KLC1: variants seen among roughly 807,000 people sequenced by gnomAD.
KLC1 encodes the protein kinesin 2 60/70kDa.
A neutral mutation model predicts 84.2 loss-of-function variants in KLC1; 30 were observed. The observed-to-expected ratio is 0.36, with a 90% CI of 0.27 to 0.48. The LOEUF (loss-of-function observed/expected upper bound fraction) is 0.48, where lower values mean the gene tolerates loss of function less well. KLC1 is among the 20% of genes least tolerant of loss of function. The pLI, the probability that KLC1 is intolerant of heterozygous loss-of-function variation, is 0.99. For synonymous variants in KLC1, 289 were observed against 293.3 expected (o/e 0.99, Z 0.15); for missense variants, 499 against 805.4 (o/e 0.62, Z 4.60).
At chr14:103,683,245 C>T (rs1027528176) in intron 13 of KLC1, 1 of 152,204 alleles carries the variant, frequency 6.6e-6, no homozygotes, top group African/African-American at 2.4e-5. Flanking sequence ...ATCGGAGTCT[C>T]GACCTGGTGG....
chr14:103,639,745 G>T lies in KLC1; in HGVS notation c.-2+10251G>T, dbSNP rs183726985. Among the ~76,000 whole-genome samples, 351 of 150,352 alleles carry T rather than the reference G, an allele frequency of 2.3e-3. 1 individual carries two copies. Among genetic ancestry groups the T allele is most frequent in the Middle Eastern group, 7.1e-3 (2 of 282 alleles). On this transcript the variant is annotated intron_variant, in intron 1 of 16. Coordinates refer to ENST00000334553, the MANE Select transcript of KLC1 (RefSeq NM_001394837.1). Reference sequence around the variant, plus strand: ...ATGAGCCACCACACCCGGCCCAGATGTGAATTCTTTATTTTTATTTTATTA... The same window carrying T: ...ATGAGCCACCACACCCGGCCCAGATTTGAATTCTTTATTTTTATTTTATTA...
intron 14 of KLC1, among the ~76,000 whole-genome samples, chr14:103,690,631 C>G (rs921131894): frequency 1.1e-4 from 2 of 18,884 alleles, no homozygotes; most frequent in East Asian, 0.012. Flanking sequence ...CGCTCATGTT[C>G]GCTGTCCCAT....
At chr14:103,660,868 A>G (rs2079222476) in intron 3 of KLC1, among the ~76,000 whole-genome samples, 1 of 152,202 alleles carries the variant, frequency 6.6e-6, no homozygotes, top group South Asian at 2.1e-4. Context: ...AAATGCAAGT[A>G]CTTTGCAGAT....
At chr14:103,698,953 G>A in intron 15 of KLC1, 1 of 1,601,008 alleles carries the variant, frequency 6.2e-7, no homozygotes, top group South Asian at 1.1e-5. Flanking sequence ...TCAGCCAGCA[G>A]TCTCACCAGG....
At chr14:103,635,563 G>C (rs1051609742) in intron 1 of KLC1, among the ~76,000 whole-genome samples, 1 of 152,132 alleles carries the variant, frequency 6.6e-6, no homozygotes, top group Non-Finnish European at 1.5e-5. Flanking sequence ...AGACCAGCCT[G>C]GCCAACATGG....
At chr14:103,699,247 T>C in intron 15 of KLC1, 5 of 1,540,116 alleles carry the variant, frequency 3.2e-6, no homozygotes, top group Non-Finnish European at 4.4e-6. Context: ...CACAGGCTGC[T>C]ACCCGCAGGA....
chr14:103,699,938 C>G (rs1595632775), intron 15 of KLC1: 2 of 353,058 alleles, frequency 5.7e-6, no homozygotes, highest in African/African-American at 4.2e-5. Context: ...ACCCTCTCCC[C>G]CTCACAGGTC....
Position 103,669,963 on chromosome 14 carries a change from A to G in KLC1, c.886-219A>G, listed in dbSNP as rs540261247. Among the ~76,000 whole-genome samples, 246 of 152,334 alleles carry G rather than the reference A, an allele frequency of 1.6e-3. 2 individuals carry two copies. The highest frequency in any genetic ancestry group is 5.7e-3 in the African/African-American group (236 of 41,576). ...CAGGGAAATTTTTAAAAAGTCAGGA[A>G]TACGTTGTTGATTTGTTTAATTTTA... On this transcript the variant is annotated intron_variant, in intron 6 of 16. Transcript: ENST00000334553.
intron 15 of KLC1, chr14:103,695,522 C>G (rs1299530647): frequency 2.0e-6 from 2 of 985,194 alleles, no homozygotes; most frequent in Admixed American, 1.2e-4. Flanking sequence ...CGGAGCTTCC[C>G]TTGTGGTGGG....
Position 103,629,224 on chromosome 14 carries a change from G to A in KLC1, c.-272G>A, listed in dbSNP as rs2076492171. ...CACTGAGACGCCATTTTCGGCGGCG[G>A]GAGCGGCGCAGGCGGCCGAGCGGGA... On this transcript the variant is annotated 5_prime_UTR_variant, in exon 1 of 17. Coordinates refer to ENST00000334553, the MANE Select transcript of KLC1 (RefSeq NM_001394837.1). 1 of 153,216 alleles carries A rather than the reference G, an allele frequency of 6.5e-6. No individual in the cohort carries two copies. The allele number at this position is 153,216 out of a possible 1,614,324, so 9.5% of individuals were successfully genotyped here.
At chr14:103,641,372 G>C (rs980205680) in intron 1 of KLC1, among the ~76,000 whole-genome samples, 2 of 151,740 alleles carry the variant, frequency 1.3e-5, no homozygotes, top group Non-Finnish European at 2.9e-5. Context: ...GACTTTCCTT[G>C]CATTAGAGGA....
intron 5 of KLC1, among the ~76,000 whole-genome samples, chr14:103,668,285 T>C (rs946571389): frequency 1.3e-5 from 2 of 152,216 alleles, no homozygotes; most frequent in Admixed American, 6.5e-5. Flanking sequence ...GTTGCACTTA[T>C]TCTGTGCTGG....
chr14:103,686,620 G>A (rs765748386), intron 13 of KLC1: 2 of 152,232 alleles, frequency 1.3e-5, no homozygotes, highest in Non-Finnish European at 2.9e-5. Context: ...GCATTTAGAC[G>A]AAACTGTTAA....
chr14:103,658,646 A>C (rs1177555181), intron 3 of KLC1, among the ~76,000 whole-genome samples: 2 of 129,570 alleles, frequency 1.5e-5, no homozygotes, highest in Non-Finnish European at 3.3e-5. Flanking sequence ...TTTATTTCTG[A>C]TTCAGTTAAC....
At chr14:103,687,983 G>T (rs538513932) in intron 14 of KLC1, 2 of 152,176 alleles carry the variant, frequency 1.3e-5, no homozygotes, top group African/African-American at 2.4e-5. Flanking sequence ...AATGGTGACC[G>T]ACTTTTTAGA....
intron 1 of KLC1, among the ~76,000 whole-genome samples, chr14:103,636,102 C>G (rs2077021382): frequency 6.6e-6 from 1 of 152,158 alleles, no homozygotes; most frequent in Non-Finnish European, 1.5e-5. Context: ...TTCTGGAACT[C>G]TTTCATCTGG....
chr14:103,670,153 ATTC>A, intron 6 of KLC1, 26 bp from the exon 7 acceptor site: 3 of 1,529,990 alleles, frequency 2.0e-6, no homozygotes, highest in Non-Finnish European at 2.7e-6. Flanking sequence ...ATCTTTTACC[ATTC>A]TTAGTGGTTC....
chr14:103,672,096 G>A (rs1446819545), intron 7 of KLC1, among the ~76,000 whole-genome samples: 5 of 152,204 alleles, frequency 3.3e-5, no homozygotes. Flanking sequence ...GAGAGCTCTG[G>A]GAGGATATGA....
intron 15 of KLC1, among the ~76,000 whole-genome samples, chr14:103,697,432 G>A: frequency 6.6e-6 from 1 of 152,180 alleles, no homozygotes; most frequent in Non-Finnish European, 1.5e-5. Context: ...GGTGGGGGGT[G>A]ACAATTTCTG....
Sources: allele counts gnomAD v4.1 joint callset (sites outside exome capture counted in the v4.1 genomes callset), GRCh38; gene constraint gnomAD v4.1.1; transcripts MANE v1.5; gene names NCBI Gene and HGNC (gene_info 2026-07-23, HGNC 2026-07-21).